The following STPG1 variants were observed in gnomAD, a reference collection of about 807,000 sequenced individuals.
STPG1 encodes O(6)-methylguanine-induced apoptosis 2.
STPG1 carries 33 observed loss-of-function variants against 40.1 expected under a neutral mutation model. The observed-to-expected ratio is 0.82, with a 90% CI of 0.62 to 1.10. The LOEUF is 1.10. Ranked by LOEUF, STPG1 falls within the 50% of genes least tolerant of loss-of-function variation. The pLI is 0.00. For missense variants in STPG1, 396 were observed against 415.1 expected (o/e 0.95, Z 0.40); for synonymous variants, 150 against 155.0 (o/e 0.97, Z 0.24).
chr1:24,374,257 G>GTTTTT (rs1553122570), intron 5 of STPG1, among the ~76,000 whole-genome samples: 4 of 62,152 alleles, frequency 6.4e-5, no homozygotes, highest in African/African-American at 1.7e-4. Context: ...TTTTTTTTTT[G>GTTTTT]TTTTTTTTTT....
chr1:24,409,128 G>A (rs1220315667), intron 1 of STPG1, among the ~76,000 whole-genome samples: 1 of 152,150 alleles, frequency 6.6e-6, no homozygotes, highest in Non-Finnish European at 1.5e-5. Context: ...AGCACTTTGG[G>A]AGGCCGAGGT....
At chr1:24,364,811 G>A (rs1007926783) in intron 7 of STPG1, among the ~76,000 whole-genome samples, 2 of 152,198 alleles carry the variant, frequency 1.3e-5, no homozygotes, top group African/African-American at 2.4e-5. Flanking sequence ...GCCCTGCCCC[G>A]TGGAAAGAAA....
chr1:24,394,248 G>A (rs760897831), intron 2 of STPG1, among the ~76,000 whole-genome samples: 3 of 152,136 alleles, frequency 2.0e-5, no homozygotes, highest in Admixed American at 6.5e-5. Flanking sequence ...GGAGGGTTTC[G>A]CCTCAGAAAT....
chr1:24,363,917 A>T (rs576316362), intron 7 of STPG1, among the ~76,000 whole-genome samples: 1 of 152,272 alleles, frequency 6.6e-6, no homozygotes, highest in African/African-American at 2.4e-5. Flanking sequence ...TCAACCCTCC[A>T]TTCACCAGTG....
rs768825836 is a variant in STPG1 at position 24,383,894 on chromosome 1, G to A, written c.291+8C>T. 1 of 1,569,168 alleles carries A rather than the reference G, an allele frequency of 6.4e-7. No individual in the cohort carries two copies. Among genetic ancestry groups the A allele is most frequent in the Non-Finnish European group, 8.8e-7 (1 of 1,139,056 alleles). On this transcript the variant is annotated splice_region_variant and intron_variant, in intron 4 of 8. Transcript: ENST00000337248. ...GTTAATGCTTTACTCAAGAGAAGTG[G>A]TTCTCACCATTGAGGGAAACATGCA...
chr1:24,405,996 A>G (rs983124212), intron 1 of STPG1, among the ~76,000 whole-genome samples: 1 of 152,124 alleles, frequency 6.6e-6, no homozygotes, highest in African/African-American at 2.4e-5. Flanking sequence ...AAGAAAACAT[A>G]TATTAGGTCC....
At chr1:24,395,570 C>G (rs1418941703) in intron 2 of STPG1, among the ~76,000 whole-genome samples, 1 of 151,394 alleles carries the variant, frequency 6.6e-6, no homozygotes, top group East Asian at 2.0e-4. Flanking sequence ...GTAGCTGGGA[C>G]TACAGGCGCC....
chr1:24,400,506 A>T (rs1643180879), intron 2 of STPG1, among the ~76,000 whole-genome samples: 1 of 152,206 alleles, frequency 6.6e-6, no homozygotes, highest in South Asian at 2.1e-4. Context: ...TTTTCTGAAT[A>T]TATATTTATG....
chr1:24,387,738 G>T (rs1394599261), intron 3 of STPG1, among the ~76,000 whole-genome samples: 1 of 152,160 alleles, frequency 6.6e-6, no homozygotes, highest in Non-Finnish European at 1.5e-5. Context: ...CCCAGTGTTT[G>T]CAGACCCCTT....
At chr1:24,402,929 T>C (rs1643282692) in intron 1 of STPG1, among the ~76,000 whole-genome samples, 1 of 152,210 alleles carries the variant, frequency 6.6e-6, no homozygotes. Flanking sequence ...CTTAACACTA[T>C]CTTATGAATG....
intron 1 of STPG1, among the ~76,000 whole-genome samples, chr1:24,408,625 T>C (rs1037078639): frequency 6.6e-6 from 1 of 152,248 alleles, no homozygotes; most frequent in East Asian, 1.9e-4. Context: ...CGTGTTTTTC[T>C]TCCTTCAGGG....
rs1640840257 is a variant in STPG1 at position 24,358,093 on chromosome 1, GGAGT to G, written c.*446_*449del. 2.5e-6 allele frequency: 1 copy of G among 402,650 alleles called. No homozygotes were observed. The highest frequency in any genetic ancestry group is 1.8e-5 in the South Asian group (1 of 55,424). 24.9% of individuals were successfully genotyped at this position (402,650 alleles called of 1,614,324 possible). A position where few individuals can be genotyped will look rare whatever the true frequency, so the allele number is the denominator to read the frequency against. ...CAGAAAGGGACAAATGAGAAAGGCA[GGAGT>G]GAGGGAATGAATGAATGTGTAAATG... On this transcript the variant is annotated 3_prime_UTR_variant, in exon 9 of 9. Coordinates refer to ENST00000337248, the MANE Select transcript of STPG1 (RefSeq NM_001199013.2).
intron 4 of STPG1, among the ~76,000 whole-genome samples, chr1:24,383,054 G>A (rs1031148518): frequency 6.6e-6 from 1 of 151,704 alleles, no homozygotes; most frequent in Non-Finnish European, 1.5e-5. Context: ...TGGGACTATC[G>A]ACACACATCA....
At position 24,399,247 on chromosome 1, in the gene STPG1, T is replaced by C. The variant is rs1453165385; in HGVS notation, c.70+2072A>G. Among the ~76,000 whole-genome samples the C allele has an allele frequency of 6.6e-6, 1 of 152,162 alleles. No individual in the cohort carries two copies. Among genetic ancestry groups the C allele is most frequent in the Non-Finnish European group, 1.5e-5 (1 of 68,004 alleles). ...CAGTATGATATTTGAACAGAATAAA[T>C]AATCAAGAAGCAGAGCTGCATATGC... On this transcript the variant is annotated intron_variant, in intron 2 of 8. Transcript: ENST00000337248. The surrounding 1 kb of genome is among the most constrained non-coding windows in gnomAD (Gnocchi z 4.0).
At chr1:24,360,620 T>C (rs1295493645) in intron 8 of STPG1, among the ~76,000 whole-genome samples, 1 of 152,246 alleles carries the variant, frequency 6.6e-6, no homozygotes, top group African/African-American at 2.4e-5. Flanking sequence ...TAGATGTTCA[T>C]GGTCCTCAGT....
At chr1:24,388,491 AG>A (rs1259465106) in intron 3 of STPG1, among the ~76,000 whole-genome samples, 4 of 152,350 alleles carry the variant, frequency 2.6e-5, no homozygotes, top group African/African-American at 9.6e-5. Flanking sequence ...CTCTGCAGTA[AG>A]ATTCTCATGG....
rs1557470837 is a variant in STPG1 at position 24,413,774 on chromosome 1, G to A, written c.-169C>T. 6.6e-6 allele frequency: 1 copy of A among 152,284 alleles called. No individual in the cohort carries two copies. The highest frequency in any genetic ancestry group is 1.5e-5 in the Non-Finnish European group (1 of 68,080). The allele number at this position is 152,284 out of a possible 1,614,324, so 9.4% of individuals were successfully genotyped here. On this transcript the variant is annotated 5_prime_UTR_variant, in exon 1 of 9. Coordinates refer to ENST00000337248, the MANE Select transcript of STPG1 (RefSeq NM_001199013.2). ...CGAGTCCACCTTCCGCCGTCCGCGA[G>A]GTAACTCCAGCCAATGGCATCCTCT...
chr1:24,378,037 T>G (rs966082771), intron 5 of STPG1, among the ~76,000 whole-genome samples: 4 of 151,316 alleles, frequency 2.6e-5, no homozygotes, highest in African/African-American at 9.8e-5. Flanking sequence ...CTCATCATTT[T>G]CAGGCTCTGA....
intron 2 of STPG1, among the ~76,000 whole-genome samples, chr1:24,394,149 C>A (rs1463209639): frequency 2.0e-5 from 3 of 152,184 alleles, no homozygotes; most frequent in Non-Finnish European, 4.4e-5. Flanking sequence ...AGTGAGCAAT[C>A]CCTGAGGCTT....
Sources: allele counts gnomAD v4.1 joint callset (sites outside exome capture counted in the v4.1 genomes callset), GRCh38; gene constraint gnomAD v4.1.1; non-coding constraint Gnocchi (gnomAD v3.1); transcripts MANE v1.5; gene names NCBI Gene and HGNC (gene_info 2026-07-23, HGNC 2026-07-21).